The following ANKS1B variants were observed in gnomAD, a reference collection of about 807,000 sequenced individuals.
ANKS1B encodes the protein ankyrin repeat and sterile alpha motif domain containing 1B.
ANKS1B carries 36 observed loss-of-function variants against 148.3 expected under a neutral mutation model. The observed-to-expected ratio is 0.24, with a 90% confidence interval of 0.19 to 0.32. The LOEUF (loss-of-function observed/expected upper bound fraction) is 0.32, where lower values mean the gene tolerates loss of function less well. Among genes scored for constraint, ANKS1B ranks in the 10% least tolerant of loss-of-function variants. The pLI is 1.00. For synonymous variants in ANKS1B, 542 were observed against 560.8 expected, an observed-to-expected ratio of 0.97 and a Z score of 0.47; for missense variants, 1,157 against 1,542.6, an observed-to-expected ratio of 0.75 and a Z score of 4.19.
chr12:98,792,090 T>C (rs1358129090), intron 22 of ANKS1B, among the ~76,000 whole-genome samples: 1 of 152,220 alleles, frequency 6.6e-6, no homozygotes, highest in East Asian at 1.9e-4. Context: ...ATTGAAAGTT[T>C]AAAAATCATA....
At chr12:98,768,166 T>A (rs1039005118) in intron 25 of ANKS1B, among the ~76,000 whole-genome samples, 1 of 152,166 alleles carries the variant, frequency 6.6e-6, no homozygotes, top group East Asian at 1.9e-4. Flanking sequence ...AAATCAGCTA[T>A]GACAACAACG....
chr12:99,433,301 T>C, intron 11 of ANKS1B, among the ~76,000 whole-genome samples: 1 of 152,138 alleles, frequency 6.6e-6, no homozygotes, highest in East Asian at 1.9e-4. Context: ...TTAAGCATAA[T>C]ACACAAGTGC....
At chr12:99,378,654 A>G (rs1006153198) in intron 12 of ANKS1B, among the ~76,000 whole-genome samples, 1 of 71,448 alleles carries the variant, frequency 1.4e-5, no homozygotes, top group Non-Finnish European at 2.5e-5. Flanking sequence ...CTCCATCTCA[A>G]AAAAAAAAAA....
intron 17 of ANKS1B, among the ~76,000 whole-genome samples, chr12:98,901,945 T>G (rs1347966383): frequency 2.6e-5 from 4 of 152,334 alleles, no homozygotes; most frequent in Non-Finnish European, 5.9e-5. Flanking sequence ...TTTATTATTC[T>G]TATTGCCTCC....
chr12:99,286,362 C>A (rs2079115916), intron 12 of ANKS1B, among the ~76,000 whole-genome samples: 1 of 151,974 alleles, frequency 6.6e-6, no homozygotes, highest in Non-Finnish European at 1.5e-5. Flanking sequence ...TCATCACCTG[C>A]CAGCTAAATA....
intron 17 of ANKS1B, among the ~76,000 whole-genome samples, chr12:98,892,596 T>G (rs886752535): frequency 1.3e-5 from 2 of 152,236 alleles, no homozygotes; most frequent in Non-Finnish European, 2.9e-5. Context: ...TATAGAAATT[T>G]GGCTAAACTT....
chr12:99,590,943 C>T (rs1422551003), intron 9 of ANKS1B, among the ~76,000 whole-genome samples: 2 of 152,080 alleles, frequency 1.3e-5, no homozygotes, highest in African/African-American at 4.8e-5. Flanking sequence ...TCTATACATA[C>T]AATATGGAAC....
intron 14 of ANKS1B, among the ~76,000 whole-genome samples, chr12:99,239,134 T>C (rs2088680466): frequency 1.3e-5 from 2 of 152,160 alleles, no homozygotes; most frequent in African/African-American, 2.4e-5. Flanking sequence ...TAAAGGATCA[T>C]ATTCTAACCC....
chr12:99,975,648 C>T (rs1237328186), intron 1 of ANKS1B, among the ~76,000 whole-genome samples: 1 of 152,134 alleles, frequency 6.6e-6, no homozygotes, highest in Non-Finnish European at 1.5e-5. Flanking sequence ...ATGTACTTTA[C>T]TCATTTTTTA....
chr12:98,792,519 TAC>T (rs1365544446), intron 22 of ANKS1B, among the ~76,000 whole-genome samples: 4 of 152,210 alleles, frequency 2.6e-5, no homozygotes, highest in South Asian at 2.1e-4. Flanking sequence ...ACAGTCACCC[TAC>T]TGTGCAATTG....
chr12:99,983,355 T>A lies in ANKS1B; in HGVS notation c.134+749A>T, dbSNP rs532143218. Among the ~76,000 whole-genome samples the A allele has an allele frequency of 5.9e-5, 9 of 152,250 alleles. No homozygotes were observed. The South Asian group carries it at 1.7e-3, about 28-fold the overall frequency. On this transcript the variant is annotated intron_variant, in intron 1 of 26. Transcript: ENST00000683438. Reference sequence around the variant, plus strand: ...TGAATGAAGACCTTGACATTTTTTTTAAATGTCATCTTAGAAAGATTCTCC... The same window carrying A: ...TGAATGAAGACCTTGACATTTTTTTAAAATGTCATCTTAGAAAGATTCTCC...
At chr12:98,872,512 C>T (rs536991956) in intron 17 of ANKS1B, among the ~76,000 whole-genome samples, 1 of 152,238 alleles carries the variant, frequency 6.6e-6, no homozygotes, top group African/African-American at 2.4e-5. Context: ...GCACTCCAGT[C>T]TGGGTAACAG....
chr12:98,743,101 T>C (rs2097815991), downstream of ANKS1B, among the ~76,000 whole-genome samples: 2 of 152,244 alleles, frequency 1.3e-5, no homozygotes, highest in Non-Finnish European at 2.9e-5. Context: ...TTCATTTCTT[T>C]TCAGAAGTAA....
Position 99,244,333 on chromosome 12 carries a change from T to C in ANKS1B, c.2419+9A>G. The C allele has an allele frequency of 6.3e-7, 1 of 1,590,768 alleles. No individual in the cohort carries two copies. Among genetic ancestry groups the C allele is most frequent in the Non-Finnish European group, 8.6e-7 (1 of 1,164,282 alleles). The stretch of plus-strand genomic sequence containing the variant: ...TTATTCATTATAATGTAGAGGAAGG[T>C]TGCCTTACTTGTGGTCTCACCATTC... On this transcript the variant is annotated intron_variant, in intron 14 of 26. Transcript: ENST00000683438.
Position 99,654,972 on chromosome 12 carries a change from T to C in ANKS1B, c.1272+95A>G, listed in dbSNP as rs1443089279. 11 of 1,346,838 alleles carry C rather than the reference T, an allele frequency of 8.2e-6. No individual in the cohort carries two copies. In the African/African-American group the frequency reaches 1.6e-4, roughly 20 times the overall value. The allele number at this position is 1,346,838 out of a possible 1,614,324, so 83.4% of individuals were successfully genotyped here. A position where few individuals can be genotyped will look rare whatever the true frequency, so the allele number is the denominator to read the frequency against. ...ATCCAAAATCACAAAGTGAACAAGA[T>C]CCTAATTTGATTTTCGAAGGGGAGG... is the stretch of plus-strand genomic sequence containing the variant. On this transcript the variant is annotated intron_variant, in intron 9 of 26. Transcript: ENST00000683438.
At chr12:99,572,969 TATTC>T (rs1318104438) in intron 9 of ANKS1B, among the ~76,000 whole-genome samples, 1 of 152,116 alleles carries the variant, frequency 6.6e-6, no homozygotes, top group Non-Finnish European at 1.5e-5. Flanking sequence ...TTATTATCTT[TATTC>T]ATTATTATCA....
chr12:99,821,992 A>G (rs1052476081), intron 2 of ANKS1B, among the ~76,000 whole-genome samples: 2 of 152,166 alleles, frequency 1.3e-5, no homozygotes, highest in Non-Finnish European at 2.9e-5. Context: ...TAGAATAGGA[A>G]CTGAATAAAA....
intron 1 of ANKS1B, among the ~76,000 whole-genome samples, chr12:99,928,567 C>T (rs568486703): frequency 1.5e-4 from 23 of 152,210 alleles, no homozygotes; most frequent in African/African-American, 3.9e-4. Context: ...CGTGAGCCAC[C>T]GCGCCTGGCC....
chr12:99,287,728 C>T (rs1223588036), intron 12 of ANKS1B, among the ~76,000 whole-genome samples: 2 of 152,042 alleles, frequency 1.3e-5, no homozygotes, highest in Non-Finnish European at 2.9e-5. Context: ...TTTTAAAAAT[C>T]AAGCAGAAAT....
Sources: gnomAD v4.1 joint callset for allele counts (sites outside exome capture counted in the v4.1 genomes callset) on GRCh38, gnomAD v4.1.1 for gene constraint, MANE v1.5 for transcripts, NCBI Gene and HGNC (gene_info 2026-07-23, HGNC 2026-07-21) for gene names.